Variants in CNTN5 observed in about 807,000 individuals in gnomAD.
The protein encoded by CNTN5 is contactin-5.
CNTN5 carries 77 observed loss-of-function variants against 129.1 expected under a neutral mutation model. The observed-to-expected ratio is 0.60, with a 90% CI of 0.50 to 0.72. The LOEUF (loss-of-function observed/expected upper bound fraction) is 0.72. Ranked by LOEUF, CNTN5 falls within the 30% of genes least tolerant of loss-of-function variation. The pLI is 0.00. For missense variants in CNTN5, 1,478 were observed against 1,328.8 expected (o/e 1.11, Z -1.75); for synonymous variants, 509 against 465.6 (o/e 1.09, Z -1.20).
intron 7 of CNTN5, among the ~76,000 whole-genome samples, chr11:99,917,380 A>G (rs1325560684): frequency 3.3e-5 from 5 of 152,118 alleles, no homozygotes; most frequent in African/African-American, 1.2e-4. Flanking sequence ...CATCTGTTTT[A>G]ATTTTTTTAA....
In CNTN5 at chr11:99,775,797, T is replaced by G. The variant is rs892594095; in HGVS notation, c.56-43747T>G. Among the ~76,000 whole-genome samples the G allele has an allele frequency of 3.3e-5, 3 of 91,382 alleles. No homozygotes were observed. The South Asian group carries it at 8.1e-4, about 25-fold the overall frequency. 60.0% of individuals were successfully genotyped at this position (91,382 alleles called of 152,430 possible). ...TGAAGTTTCCACTTTATATACGATC[T>G]TGATTGATTATCAAGTATTTTTACG... On this transcript the variant is annotated intron_variant, in intron 3 of 24. Coordinates refer to ENST00000524871, the MANE Select transcript of CNTN5 (RefSeq NM_014361.4).
intron 1 of CNTN5, among the ~76,000 whole-genome samples, chr11:99,154,397 G>C (rs11218569): frequency 6.6e-6 from 1 of 152,032 alleles, no homozygotes; most frequent in Non-Finnish European, 1.5e-5. Context: ...TGGAGAGACA[G>C]GGCTGATGGC....
intron 3 of CNTN5, among the ~76,000 whole-genome samples, chr11:99,654,504 T>C (rs1330295381): frequency 6.6e-6 from 1 of 152,018 alleles, no homozygotes; most frequent in African/African-American, 2.4e-5. Context: ...CCAATGGATA[T>C]GAAATGGTCC....
At chr11:99,222,310 G>A (rs1208506281) in intron 1 of CNTN5, among the ~76,000 whole-genome samples, 3 of 151,734 alleles carry the variant, frequency 2.0e-5, no homozygotes, top group Non-Finnish European at 4.4e-5. Context: ...CAATATAAAA[G>A]GAAGGAAGTA....
intron 3 of CNTN5, among the ~76,000 whole-genome samples, chr11:99,768,456 C>T (rs1404710996): frequency 6.6e-6 from 1 of 152,124 alleles, no homozygotes; most frequent in East Asian, 1.9e-4. Flanking sequence ...ATTCAGATGT[C>T]TTCAGTTGCC....
intron 2 of CNTN5, among the ~76,000 whole-genome samples, chr11:99,419,447 G>A (rs893761346): frequency 6.6e-6 from 1 of 152,126 alleles, no homozygotes; most frequent in African/African-American, 2.4e-5. Context: ...GGGTTAAGTG[G>A]TTGCTTCTGT....
chr11:99,193,074 G>T (rs1396669292), intron 1 of CNTN5, among the ~76,000 whole-genome samples: 1 of 152,010 alleles, frequency 6.6e-6, no homozygotes, highest in South Asian at 2.1e-4. Context: ...GTATTTATTA[G>T]TACATAAGCA....
At chr11:99,809,380 A>T (rs2135511791) in intron 3 of CNTN5, among the ~76,000 whole-genome samples, 1 of 152,294 alleles carries the variant, frequency 6.6e-6, no homozygotes, top group Admixed American at 6.5e-5. Flanking sequence ...CCTTGAAGGC[A>T]AAGATTGTAT....
intron 3 of CNTN5, among the ~76,000 whole-genome samples, chr11:99,644,767 T>C (rs1473514296): frequency 6.6e-6 from 1 of 152,194 alleles, no homozygotes; most frequent in Non-Finnish European, 1.5e-5. Flanking sequence ...AGTAGATTTT[T>C]GTTCTAATAT....
intron 16 of CNTN5, among the ~76,000 whole-genome samples, chr11:100,240,176 G>A (rs1388913308): frequency 1.3e-5 from 2 of 152,052 alleles, no homozygotes; most frequent in Non-Finnish European, 2.9e-5. Context: ...CACTCTCCCT[G>A]TAATCCATCC....
At chr11:99,171,294 T>C (rs1299343116) in intron 1 of CNTN5, among the ~76,000 whole-genome samples, 1 of 152,110 alleles carries the variant, frequency 6.6e-6, no homozygotes, top group Non-Finnish European at 1.5e-5. Flanking sequence ...GCATAGAGAG[T>C]GATGTCAAAA....
At chr11:99,359,393 C>T (rs1938939215) in intron 2 of CNTN5, among the ~76,000 whole-genome samples, 1 of 151,992 alleles carries the variant, frequency 6.6e-6, no homozygotes, top group African/African-American at 2.4e-5. Context: ...GACCCCACCT[C>T]CTAATACTAT....
chr11:99,751,075 GCCTATGATCCCAGCA>G (rs1374795031), intron 3 of CNTN5, among the ~76,000 whole-genome samples: 1 of 152,180 alleles, frequency 6.6e-6, no homozygotes, highest in African/African-American at 2.4e-5. Context: ...AGTGGCTCAC[GCCTATGATCCCAGCA>G]CTTTGGGAGG....
chr11:99,658,709 T>TAA (rs370531678), intron 3 of CNTN5, among the ~76,000 whole-genome samples: 2,261 of 140,752 alleles, frequency 0.016, 35 homozygotes, highest in Non-Finnish European at 0.023. Context: ...CTGTCTCTAC[T>TAA]AAAAAAAAAA....
intron 6 of CNTN5, among the ~76,000 whole-genome samples, chr11:99,848,546 T>TC (rs2135713807): frequency 6.6e-6 from 1 of 152,234 alleles, no homozygotes; most frequent in African/African-American, 2.4e-5. Context: ...TGAATATGAG[T>TC]CTTAAATTTA....
chr11:100,076,142 G>A (rs1172094156), intron 13 of CNTN5, among the ~76,000 whole-genome samples: 1 of 152,054 alleles, frequency 6.6e-6, no homozygotes, highest in Admixed American at 6.6e-5. Flanking sequence ...TAAAGTAGAA[G>A]AAAATTGTTT....
intron 3 of CNTN5, among the ~76,000 whole-genome samples, chr11:99,570,217 G>A (rs779658199): frequency 4.0e-5 from 6 of 151,834 alleles, no homozygotes; most frequent in African/African-American, 1.5e-4. Flanking sequence ...GAGATGTACT[G>A]GCTCACAGTG....
Position 99,077,608 on chromosome 11 carries a change from G to A in CNTN5, c.-210+56338G>A, listed in dbSNP as rs147727220. 9.2e-5 allele frequency among the ~76,000 whole-genome samples: 14 copies of A among 152,300 alleles called. No homozygotes were observed. In the East Asian group the frequency reaches 2.7e-3, roughly 29 times the overall value. ...ACTAAAAGCATCACTAAGTGGTATG[G>A]TTAGGCTTTGTGTCCCCATCCGAAT... On this transcript the variant is annotated intron_variant, in intron 1 of 24. Transcript: ENST00000524871.
At chr11:100,007,214 T>C (rs983532550) in intron 9 of CNTN5, among the ~76,000 whole-genome samples, 7 of 152,006 alleles carry the variant, frequency 4.6e-5, no homozygotes, top group Non-Finnish European at 7.4e-5. Context: ...TTTAACATAA[T>C]TCTTAAGGGC....
Sources: allele counts gnomAD v4.1 joint callset (sites outside exome capture counted in the v4.1 genomes callset), GRCh38; gene constraint gnomAD v4.1.1; transcripts MANE v1.5; gene names NCBI Gene and HGNC (gene_info 2026-07-23, HGNC 2026-07-21).